TMCC1: variants seen among roughly 807,000 people sequenced by gnomAD.
TMCC1 encodes transmembrane and coiled-coil domain family 1.
A neutral mutation model predicts 52.4 loss-of-function variants in TMCC1; 15 were observed. The observed-to-expected ratio is 0.29, with a 90% CI of 0.19 to 0.44. The LOEUF (loss-of-function observed/expected upper bound fraction) is 0.44, where lower values mean the gene tolerates loss of function less well. Among genes scored for constraint, TMCC1 ranks in the 20% least tolerant of loss-of-function variants. The pLI, the probability that TMCC1 is intolerant of heterozygous loss-of-function variation, is 1.00. For synonymous variants in TMCC1, 279 were observed against 301.9 expected (o/e 0.92, Z 0.79); for missense variants, 503 against 806.0 (o/e 0.62, Z 4.55).
At chr3:129,881,476 C>G (rs897374227) in intron 1 of TMCC1, among the ~76,000 whole-genome samples, 1 of 152,026 alleles carries the variant, frequency 6.6e-6, no homozygotes, top group Non-Finnish European at 1.5e-5. Flanking sequence ...TGTCCACTCT[C>G]AGCAGAAAAT....
At chr3:129,688,895 G>C (rs1350558219) in intron 4 of TMCC1, among the ~76,000 whole-genome samples, 2 of 152,130 alleles carry the variant, frequency 1.3e-5, no homozygotes, top group Non-Finnish European at 2.9e-5. Flanking sequence ...AATCAGATAA[G>C]GTTGAAAGAA....
At chr3:129,838,791 C>G (rs534616966) in intron 2 of TMCC1, among the ~76,000 whole-genome samples, 118 of 141,800 alleles carry the variant, frequency 8.3e-4, no homozygotes, top group Middle Eastern at 4.0e-3. Flanking sequence ...GATATCTAGG[C>G]ATATCATATT....
chr3:129,715,884 G>A (rs1240577794), intron 4 of TMCC1, among the ~76,000 whole-genome samples: 1 of 152,040 alleles, frequency 6.6e-6, no homozygotes, highest in Non-Finnish European at 1.5e-5. Context: ...CTGTAACTGA[G>A]TACCTCCATC....
At chr3:129,750,402 G>C (rs898098000) in intron 4 of TMCC1, among the ~76,000 whole-genome samples, 1 of 151,660 alleles carries the variant, frequency 6.6e-6, no homozygotes, top group Non-Finnish European at 1.5e-5. Flanking sequence ...ATGTTGGCCA[G>C]GCTGGTCTTG....
chr3:129,886,020 C>T (rs1039298570), intron 1 of TMCC1, among the ~76,000 whole-genome samples: 9 of 152,114 alleles, frequency 5.9e-5, no homozygotes, highest in African/African-American at 2.2e-4. Flanking sequence ...GGATTACAGG[C>T]GTGAGCCACT....
intron 4 of TMCC1, among the ~76,000 whole-genome samples, chr3:129,777,544 T>TA (rs1218054382): frequency 6.6e-6 from 1 of 152,196 alleles, no homozygotes; most frequent in African/African-American, 2.4e-5. Flanking sequence ...CAGTGCAAGG[T>TA]AATGTGACTC....
chr3:129,756,423 C>T (rs1054557403), intron 4 of TMCC1, among the ~76,000 whole-genome samples: 4 of 151,182 alleles, frequency 2.6e-5, no homozygotes, highest in Non-Finnish European at 5.9e-5. Context: ...ATTTGTTTTG[C>T]TTTTTTTTTG....
Position 129,858,021 on chromosome 3 carries a change from T to G in TMCC1, c.-184+22288A>C, listed in dbSNP as rs561177898. On this transcript the variant is annotated intron_variant, in intron 2 of 6. Transcript: ENST00000393238. Reference sequence around the variant, plus strand: ...GGCAGAAAAGCTGGAACTTACACTCTTGACTACTCTACCACAGGTGTCCCT... The same window carrying G: ...GGCAGAAAAGCTGGAACTTACACTCGTGACTACTCTACCACAGGTGTCCCT... Among the ~76,000 whole-genome samples, 5 of 152,320 alleles carry G rather than the reference T, an allele frequency of 3.3e-5. No homozygotes were observed. In the South Asian group the frequency reaches 1.0e-3, roughly 32 times the overall value.
chr3:129,876,977 C>A (rs1215084421), intron 2 of TMCC1, among the ~76,000 whole-genome samples: 1 of 151,798 alleles, frequency 6.6e-6, no homozygotes, highest in Non-Finnish European at 1.5e-5. Context: ...AATAAATAAA[C>A]CCTGAAGATC....
intron 5 of TMCC1, among the ~76,000 whole-genome samples, chr3:129,657,868 G>A (rs996817270): frequency 6.6e-6 from 1 of 152,172 alleles, no homozygotes; most frequent in African/African-American, 2.4e-5. Flanking sequence ...AAAGTTAACA[G>A]TTACCTTATG....
At chr3:129,716,163 TTTG>T (rs201320553) in intron 4 of TMCC1, among the ~76,000 whole-genome samples, 323 of 5,458 alleles carry the variant, frequency 0.059, 21 homozygotes, top group Non-Finnish European at 0.2. Context: ...TTCTTTTTTC[TTTG>T]TTTTTTTTTT....
At chr3:129,853,947 T>C (rs890505921) in intron 2 of TMCC1, among the ~76,000 whole-genome samples, 5 of 152,148 alleles carry the variant, frequency 3.3e-5, no homozygotes, top group Non-Finnish European at 5.9e-5. Flanking sequence ...TAAATATTCT[T>C]GAATGAATGC....
rs1425459991 is a variant in TMCC1 at position 129,873,058 on chromosome 3, G to A, written c.-184+7251C>T. Among the ~76,000 whole-genome samples the A allele has an allele frequency of 7.9e-5, 12 of 151,782 alleles. No individual in the cohort carries two copies. In the South Asian group the frequency reaches 1.3e-3, roughly 16 times the overall value. On this transcript the variant is annotated intron_variant, in intron 2 of 6. Coordinates refer to ENST00000393238, the MANE Select transcript of TMCC1 (RefSeq NM_001017395.5). ...TGGGATTACAGGCACCCCCCACCAC[G>A]CTTGGCTAGTTTTTGTATTTTTAGT...
At chr3:129,771,535 G>A (rs1184040445) in intron 4 of TMCC1, among the ~76,000 whole-genome samples, 1 of 152,004 alleles carries the variant, frequency 6.6e-6, no homozygotes, top group African/African-American at 2.4e-5. Context: ...AGCACCCTGG[G>A]AGGCGGAGGT....
At chr3:129,850,161 T>C (rs1278769475) in intron 2 of TMCC1, among the ~76,000 whole-genome samples, 1 of 152,184 alleles carries the variant, frequency 6.6e-6, no homozygotes, top group African/African-American at 2.4e-5. Flanking sequence ...ACTGTTCAAA[T>C]ATGGAATGTC....
intron 4 of TMCC1, chr3:129,688,411 T>C (rs567345121): frequency 3.0e-6 from 3 of 985,470 alleles, no homozygotes; most frequent in Admixed American, 6.1e-5. Flanking sequence ...CAGCTACCAC[T>C]GGGAATGCTT....
intron 4 of TMCC1, among the ~76,000 whole-genome samples, chr3:129,787,246 T>C (rs1418139278): frequency 6.6e-6 from 1 of 152,192 alleles, no homozygotes; most frequent in African/African-American, 2.4e-5. Flanking sequence ...CAAAAACCTT[T>C]GGAATAAATT....
chr3:129,677,572 A>G (rs1223442334), intron 4 of TMCC1, among the ~76,000 whole-genome samples: 1 of 152,190 alleles, frequency 6.6e-6, no homozygotes, highest in Non-Finnish European at 1.5e-5. Context: ...TTAAAACAGA[A>G]TATTTCTCAG....
intron 1 of TMCC1, among the ~76,000 whole-genome samples, chr3:129,892,397 G>T (rs1314381244): frequency 6.6e-6 from 1 of 152,172 alleles, no homozygotes; most frequent in Non-Finnish European, 1.5e-5. Context: ...CATGACACTA[G>T]TAAAACTACC....
Sources: allele counts gnomAD v4.1 joint callset (sites outside exome capture counted in the v4.1 genomes callset), GRCh38; gene constraint gnomAD v4.1.1; transcripts MANE v1.5; gene names NCBI Gene and HGNC (gene_info 2026-07-23, HGNC 2026-07-21).